AGBL1: variants seen among roughly 807,000 people sequenced by gnomAD.
AGBL1 encodes the protein cytosolic carboxypeptidase 4.
AGBL1 carries 130 observed loss-of-function variants against 118.9 expected under a neutral mutation model. That is an observed-to-expected ratio of 1.09 (90% CI 0.95 to 1.26). The LOEUF is 1.26. Ranked by LOEUF, AGBL1 falls within the 50% of genes most tolerant of loss-of-function variation. AGBL1 has a pLI of 0.00. For missense variants in AGBL1, 1,584 were observed against 1,298.1 expected, an observed-to-expected ratio of 1.22 and a Z score of -3.38; for synonymous variants, 555 against 478.9, an observed-to-expected ratio of 1.16 and a Z score of -2.08.
rs573991316 is a variant in AGBL1 at position 86,937,067 on chromosome 15, G to C, written c.3222-50920G>C. Among the ~76,000 whole-genome samples, 8 of 152,256 alleles carry C rather than the reference G, an allele frequency of 5.3e-5. No homozygotes were observed. In the East Asian group the frequency reaches 1.5e-3, roughly 29 times the overall value. ...ATATGAAGAAAAGCTCAATATCACT[G>C]ATCATTAGAGAAATGCAAATGGAAA... On this transcript the variant is annotated intron_variant, in intron 23 of 24. Transcript: ENST00000441037.
In AGBL1 at chr15:86,218,086, C is replaced by G. The variant is rs576885956; in HGVS notation, c.489-6828C>G. The stretch of plus-strand genomic sequence containing the variant: ...TTTTCTAATATACCTAAGGAATAAC[C>G]TAGGAAGTTAAAATATATGTTCCAA... On this transcript the variant is annotated intron_variant, in intron 5 of 22. Coordinates refer to ENST00000614907, the MANE Select transcript of AGBL1 (RefSeq NM_001386094.1). Among the ~76,000 whole-genome samples the G allele has an allele frequency of 1.2e-4, 18 of 152,236 alleles. No individual in the cohort carries two copies. The South Asian group carries it at 3.5e-3, about 30-fold the overall frequency.
Position 86,847,147 on chromosome 15 carries a change from A to G in AGBL1, c.3159-59940A>G, listed in dbSNP as rs569525981. Among the ~76,000 whole-genome samples the G allele has an allele frequency of 8.3e-4, 126 of 152,250 alleles. No homozygotes were observed. The Middle Eastern group carries it at 0.01, about 12-fold the overall frequency. ...TCATAATTTCTATTGCTTCATTGAAATTAATCATATTTCTCTTTATTTAAG... is the reference window on the plus strand; with the variant it reads ...TCATAATTTCTATTGCTTCATTGAAGTTAATCATATTTCTCTTTATTTAAG... On this transcript the variant is annotated intron_variant, in intron 22 of 22. Transcript: ENST00000614907.
At chr15:87,001,782 T>C (rs546799674) in intron 24 of AGBL1, among the ~76,000 whole-genome samples, 23 of 152,264 alleles carry the variant, frequency 1.5e-4, no homozygotes, top group South Asian at 1.4e-3. Flanking sequence ...TGTCGTCTTT[T>C]GAGAAGTGTC....
chr15:86,645,857 G>T (rs1412252750), intron 21 of AGBL1, among the ~76,000 whole-genome samples: 1 of 152,094 alleles, frequency 6.6e-6, no homozygotes, highest in Non-Finnish European at 1.5e-5. Context: ...CAAGCAGATA[G>T]AATTCTGGGC....
At chr15:86,522,427 C>A (rs1048725451) in intron 18 of AGBL1, among the ~76,000 whole-genome samples, 1 of 152,144 alleles carries the variant, frequency 6.6e-6, no homozygotes, top group Non-Finnish European at 1.5e-5. Context: ...TCATATGTAA[C>A]ACACCAAGTA....
At chr15:86,520,638 A>T (rs1023477537) in intron 18 of AGBL1, among the ~76,000 whole-genome samples, 1 of 152,190 alleles carries the variant, frequency 6.6e-6, no homozygotes, top group African/African-American at 2.4e-5. Context: ...TGCTGGACAC[A>T]TGTATGCTTG....
chr15:86,740,778 G>T (rs897574074), intron 22 of AGBL1, among the ~76,000 whole-genome samples: 2 of 152,112 alleles, frequency 1.3e-5, no homozygotes, highest in East Asian at 3.9e-4. Context: ...ATGATGTAAG[G>T]TATCCCAAGT....
chr15:86,864,889 G>A (rs1304111965), intron 22 of AGBL1, among the ~76,000 whole-genome samples: 1 of 152,158 alleles, frequency 6.6e-6, no homozygotes, highest in Non-Finnish European at 1.5e-5. Context: ...GGAATATGAT[G>A]TAGCAAAAAC....
At chr15:86,395,214 T>A (rs1386886758) in intron 17 of AGBL1, among the ~76,000 whole-genome samples, 2 of 152,124 alleles carry the variant, frequency 1.3e-5, no homozygotes, top group Non-Finnish European at 2.9e-5. Flanking sequence ...GCCTACTTTT[T>A]AAAATTTATG....
chr15:86,747,681 A>G (rs925728513), intron 22 of AGBL1, among the ~76,000 whole-genome samples: 2 of 151,686 alleles, frequency 1.3e-5, no homozygotes, highest in Admixed American at 6.6e-5. Context: ...TCCTGTGTCC[A>G]TGTGTTCTCT....
intron 17 of AGBL1, among the ~76,000 whole-genome samples, chr15:86,314,962 C>CG: frequency 6.6e-6 from 1 of 152,286 alleles, no homozygotes; most frequent in South Asian, 2.1e-4. Context: ...GTCTAAGCTT[C>CG]GGGTTCCTTA....
intron 18 of AGBL1, among the ~76,000 whole-genome samples, chr15:86,496,005 A>G (rs1266770601): frequency 6.6e-6 from 1 of 151,534 alleles, no homozygotes; most frequent in Non-Finnish European, 1.5e-5. Flanking sequence ...ATGCCTATTG[A>G]GTCTTTTTTT....
chr15:86,523,450 A>C (rs927415730), intron 19 of AGBL1, among the ~76,000 whole-genome samples: 1 of 152,154 alleles, frequency 6.6e-6, no homozygotes, highest in African/African-American at 2.4e-5. Flanking sequence ...CCCTGTTTCC[A>C]AGTAAGGTTA....
chr15:86,231,302 T>G (rs2078451571), intron 6 of AGBL1, among the ~76,000 whole-genome samples: 1 of 152,220 alleles, frequency 6.6e-6, no homozygotes, highest in Non-Finnish European at 1.5e-5. Context: ...TTCCTGACTT[T>G]AGCCTCACAC....
intron 22 of AGBL1, among the ~76,000 whole-genome samples, chr15:86,865,063 C>T (rs2079606818): frequency 6.6e-6 from 1 of 152,074 alleles, no homozygotes; most frequent in Non-Finnish European, 1.5e-5. Flanking sequence ...CTGTAGAATC[C>T]CTGGTACCCC....
At chr15:86,856,064 T>A (rs2079475374) in intron 22 of AGBL1, among the ~76,000 whole-genome samples, 1 of 152,238 alleles carries the variant, frequency 6.6e-6, no homozygotes, top group South Asian at 2.1e-4. Context: ...AGTCCCTATA[T>A]CTGATTTCTC....
intron 15 of AGBL1, among the ~76,000 whole-genome samples, chr15:86,277,304 A>ATG (rs1463870608): frequency 1.9e-5 from 2 of 106,264 alleles, no homozygotes; most frequent in Non-Finnish European, 3.8e-5. Context: ...GTGTGTGTGC[A>ATG]TGTGTGTGTG....
intron 22 of AGBL1, among the ~76,000 whole-genome samples, chr15:86,758,929 C>T (rs1432028557): frequency 1.5e-5 from 2 of 135,212 alleles, no homozygotes; most frequent in South Asian, 2.3e-4. Context: ...GTGGAGATTG[C>T]ACCATGGCAC....
intron 22 of AGBL1, among the ~76,000 whole-genome samples, chr15:86,861,135 C>A (rs1022317061): frequency 2.0e-5 from 3 of 152,122 alleles, no homozygotes; most frequent in Admixed American, 2.0e-4. Context: ...AAGGTCACTG[C>A]TCCCAAATTT....
Sources: allele counts gnomAD v4.1 joint callset (sites outside exome capture counted in the v4.1 genomes callset), GRCh38; gene constraint gnomAD v4.1.1; transcripts MANE v1.5; gene names NCBI Gene and HGNC (gene_info 2026-07-23, HGNC 2026-07-21).